Variants in TMEM135 observed in about 807,000 individuals in gnomAD.
TMEM135 encodes the protein transmembrane protein 135, also known as peroxisomal membrane protein 52.
A neutral mutation model predicts 60.3 loss-of-function variants in TMEM135; 30 were observed. The observed-to-expected ratio is 0.50, with a 90% confidence interval of 0.37 to 0.68. The LOEUF is 0.68. Among genes scored for constraint, TMEM135 ranks in the 30% least tolerant of loss-of-function variants. The probability of loss-of-function intolerance (pLI) is 0.00; values close to 1 mark genes in which losing one functional copy is unlikely to be tolerated. For synonymous variants in TMEM135, 190 were observed against 186.7 expected (o/e 1.02, Z -0.14); for missense variants, 468 against 548.8 (o/e 0.85, Z 1.47).
chr11:87,256,537 A>G (rs564162809), intron 6 of TMEM135, among the ~76,000 whole-genome samples: 5 of 152,160 alleles, frequency 3.3e-5, no homozygotes, highest in Non-Finnish European at 7.4e-5. Flanking sequence ...AAAAAGATTC[A>G]TTGAGAATGA....
At chr11:87,136,235 A>G (rs1228077683) in intron 4 of TMEM135, among the ~76,000 whole-genome samples, 1 of 151,946 alleles carries the variant, frequency 6.6e-6, no homozygotes, top group Admixed American at 6.6e-5. Context: ...TTTGGAATGG[A>G]AGTTTGATTA....
chr11:87,129,727 G>A (rs1302401599), intron 4 of TMEM135, among the ~76,000 whole-genome samples: 1 of 151,810 alleles, frequency 6.6e-6, no homozygotes, highest in Non-Finnish European at 1.5e-5. Context: ...TTTTAGTAGA[G>A]ATGTGGTTTT....
At chr11:87,268,101 T>G (rs1182331779) in intron 6 of TMEM135, among the ~76,000 whole-genome samples, 2 of 151,796 alleles carry the variant, frequency 1.3e-5, no homozygotes, top group Admixed American at 6.6e-5. Flanking sequence ...TACCTACTCT[T>G]TTTTGCCCGG....
intron 1 of TMEM135, among the ~76,000 whole-genome samples, chr11:87,040,130 A>G (rs1949738158): frequency 6.6e-6 from 1 of 152,228 alleles, no homozygotes; most frequent in South Asian, 2.1e-4. Flanking sequence ...TGGGAACTGA[A>G]TAGCATTTTA....
intron 6 of TMEM135, among the ~76,000 whole-genome samples, chr11:87,264,491 GTT>G (rs1411739080): frequency 6.6e-6 from 1 of 151,686 alleles, no homozygotes; most frequent in Non-Finnish European, 1.5e-5. Context: ...ATTATTGATA[GTT>G]TCTTTTTAGT....
At chr11:87,277,817 C>T (rs541843133) in intron 6 of TMEM135, among the ~76,000 whole-genome samples, 12 of 152,180 alleles carry the variant, frequency 7.9e-5, no homozygotes, top group East Asian at 7.7e-4. Context: ...CCACCATGCC[C>T]GGCCAACTCT....
intron 2 of TMEM135, among the ~76,000 whole-genome samples, 185 bp downstream of exon 2, chr11:87,068,006 T>G (rs1012734823): frequency 6.6e-6 from 1 of 152,164 alleles, no homozygotes; most frequent in African/African-American, 2.4e-5. Flanking sequence ...GACGTCAAGA[T>G]GTAATATAAA....
At chr11:87,247,023 G>C (rs1172740567) in intron 6 of TMEM135, among the ~76,000 whole-genome samples, 1 of 147,278 alleles carries the variant, frequency 6.8e-6, no homozygotes, top group Non-Finnish European at 1.5e-5. Flanking sequence ...TGAACAGATG[G>C]GTTTTTGGTG....
In TMEM135 at chr11:87,328,123, A is replaced by G; in HGVS notation, c.*6790A>G. On this transcript the variant is annotated 3_prime_UTR_variant, in exon 15 of 15. Coordinates refer to ENST00000305494, the MANE Select transcript of TMEM135 (RefSeq NM_022918.4). ...ACAGGCTTTATGGCTCTATTACCCA[A>G]GAATTCTGTTACTTTCAGCTGAAAA... 1 of 454,072 alleles carries G rather than the reference A, an allele frequency of 2.2e-6. No homozygotes were observed. Among genetic ancestry groups the G allele is most frequent in the South Asian group, 1.6e-5 (1 of 64,466 alleles). 28.1% of individuals were successfully genotyped at this position (454,072 alleles called of 1,614,324 possible).
Position 87,071,519 on chromosome 11 carries a change from T to G in TMEM135, c.270-4T>G. On this transcript the variant is annotated splice_polypyrimidine_tract_variant and splice_region_variant and intron_variant, in intron 2 of 14. Transcript: ENST00000305494. The stretch of plus-strand genomic sequence containing the variant: ...CATACAAAAATTCCAAATTTGAATT[T>G]CAGGAAGATACTTGGAAAATTCTAC... 6.2e-7 allele frequency: 1 copy of G among 1,613,584 alleles called. No individual in the cohort carries two copies. Among genetic ancestry groups the G allele is most frequent in the African/African-American group, 1.3e-5 (1 of 75,026 alleles).
Position 87,324,654 on chromosome 11 carries a change from C to G in TMEM135, c.*3321C>G, listed in dbSNP as rs1387948355. On this transcript the variant is annotated 3_prime_UTR_variant, in exon 15 of 15. Coordinates refer to ENST00000305494, the MANE Select transcript of TMEM135 (RefSeq NM_022918.4). The stretch of plus-strand genomic sequence containing the variant: ...CTATGTTGTCCAGGCTGGTCTTAAA[C>G]TCCTGGCCTCAAGTGATCCTCTTGG... 2 of 451,516 alleles carry G rather than the reference C, an allele frequency of 4.4e-6. No individual in the cohort carries two copies. The highest frequency in any genetic ancestry group is 4.8e-5 in the Admixed American group (2 of 42,098). 28.0% of individuals were successfully genotyped at this position (451,516 alleles called of 1,614,324 possible).
chr11:87,045,307 G>A (rs925592680), intron 1 of TMEM135, among the ~76,000 whole-genome samples: 2 of 152,178 alleles, frequency 1.3e-5, no homozygotes. Context: ...TGGGATTACA[G>A]GCGTGAGCCA....
chr11:87,211,294 C>G (rs960856633), intron 5 of TMEM135, among the ~76,000 whole-genome samples: 10 of 152,122 alleles, frequency 6.6e-5, no homozygotes, highest in Non-Finnish European at 1.5e-4. Context: ...CATTAAAACC[C>G]TTATACAACT....
chr11:87,122,262 G>C (rs673634), intron 4 of TMEM135, among the ~76,000 whole-genome samples: 19,109 of 147,734 alleles, frequency 0.13, 1,310 homozygotes, highest in Middle Eastern at 0.15. Flanking sequence ...AAGTTATTTC[G>C]CAAAGACAAC....
At chr11:87,317,077 T>A (rs1490885488) in intron 12 of TMEM135, among the ~76,000 whole-genome samples, 1 of 152,012 alleles carries the variant, frequency 6.6e-6, no homozygotes, top group Non-Finnish European at 1.5e-5. Flanking sequence ...CTGAGTCAAA[T>A]GCATGTATTT....
chr11:87,310,905 C>G lies in TMEM135; in HGVS notation c.936+1233C>G, dbSNP rs1013855861. ...TCATTTTGTAGGAACATGCAGCAGG[C>G]ATTCCAATATGTCTGACTAATGAAT... On this transcript the variant is annotated intron_variant, in intron 10 of 14. Coordinates refer to ENST00000305494, the MANE Select transcript of TMEM135 (RefSeq NM_022918.4). Among the ~76,000 whole-genome samples, 65 of 151,910 alleles carry G rather than the reference C, an allele frequency of 4.3e-4. 1 individual carries two copies. Among genetic ancestry groups the G allele is most frequent in the Admixed American group, 4.3e-3 (65 of 15,226 alleles).
At chr11:87,299,543 G>A (rs1942408384) in intron 7 of TMEM135, among the ~76,000 whole-genome samples, 1 of 152,198 alleles carries the variant, frequency 6.6e-6, no homozygotes, top group Admixed American at 6.5e-5. Flanking sequence ...TCCTCAACAA[G>A]TGTGAGATAA....
chr11:87,308,460 G>C (rs181064521), intron 9 of TMEM135, among the ~76,000 whole-genome samples: 1 of 152,084 alleles, frequency 6.6e-6, no homozygotes, highest in Non-Finnish European at 1.5e-5. Flanking sequence ...TAAGGCATTA[G>C]GTAGTTTCAG....
intron 3 of TMEM135, among the ~76,000 whole-genome samples, chr11:87,077,033 G>A (rs932826784): frequency 5.9e-5 from 9 of 152,184 alleles, no homozygotes; most frequent in African/African-American, 2.2e-4. Flanking sequence ...TGTCTATGCA[G>A]TTTGTTCCCA....
Sources: gnomAD v4.1 joint callset for allele counts (sites outside exome capture counted in the v4.1 genomes callset) on GRCh38, gnomAD v4.1.1 for gene constraint, MANE v1.5 for transcripts, NCBI Gene and HGNC (gene_info 2026-07-23, HGNC 2026-07-21) for gene names.